TSEN2: variants seen among roughly 807,000 people sequenced by gnomAD.
TSEN2 encodes the protein tRNA-splicing endonuclease subunit Sen2.
A neutral mutation model predicts 59.2 loss-of-function variants in TSEN2; 54 were observed. The ratio of observed to expected loss-of-function variants is 0.91; its 90% CI spans 0.73 to 1.14. The LOEUF is 1.14. Ranked by LOEUF, TSEN2 falls within the 50% of genes most tolerant of loss-of-function variation. The pLI is 0.00. For synonymous variants in TSEN2, 195 were observed against 198.2 expected (o/e 0.98, Z 0.14); for missense variants, 636 against 576.2 (o/e 1.10, Z -1.06).
downstream of TSEN2, among the ~76,000 whole-genome samples, chr3:12,536,927 C>T (rs894621641): frequency 6.6e-6 from 1 of 151,688 alleles, no homozygotes; most frequent in South Asian, 2.1e-4. Context: ...CACTTGAACC[C>T]GGGAGGTGGG....
At chr3:12,513,277 C>G (rs2055693173) in intron 6 of TSEN2, among the ~76,000 whole-genome samples, 1 of 152,106 alleles carries the variant, frequency 6.6e-6, no homozygotes, top group South Asian at 2.1e-4. Flanking sequence ...TCTTATTAGG[C>G]AAGGATGGGA....
At chr3:12,491,995 C>A in intron 2 of TSEN2, 141 bp from the exon 3 acceptor site, 1 of 690,700 alleles carries the variant, frequency 1.4e-6, no homozygotes, top group Admixed American at 2.3e-5. Flanking sequence ...ATCAGGGACT[C>A]GACCATCTGC....
intron 6 of TSEN2, among the ~76,000 whole-genome samples, 147 bp from the exon 7 acceptor site, chr3:12,516,446 ATGTGTGTGTGTGTGTGTG>A (rs68107346): frequency 1.6e-4 from 20 of 126,556 alleles, no homozygotes; most frequent in East Asian, 4.2e-4. Context: ...AACAAAATAT[ATGTGTGTGTGTGTGTGTG>A]TGTGTGTGTG....
rs1488211768 is a variant in TSEN2 at position 12,516,793 on chromosome 3, C to CT, written c.960+133dup. 6 of 1,033,890 alleles carry CT rather than the reference C, an allele frequency of 5.8e-6. No homozygotes were observed. In the Admixed American group the frequency reaches 1.1e-4, roughly 18 times the overall value. The allele number at this position is 1,033,890 out of a possible 1,614,324, so 64.0% of individuals were successfully genotyped here. On this transcript the variant is annotated intron_variant, in intron 7 of 11. Transcript: ENST00000284995. ...AATAAAATAGGAATTGAATTTTTCTCTAAAGTTTTGGATTTGGGTCCTGAG... is the reference window on the plus strand; with the variant it reads ...AATAAAATAGGAATTGAATTTTTCTCTTAAAGTTTTGGATTTGGGTCCTGAG...
At chr3:12,492,279 T>C (rs2053293263) in intron 3 of TSEN2, 62 bp downstream of exon 3, 3 of 1,432,106 alleles carry the variant, frequency 2.1e-6, no homozygotes, top group African/African-American at 1.4e-5. Context: ...GTTTTTGATC[T>C]TATATCTCAG....
At chr3:12,495,325 G>T (rs2053642802) in intron 3 of TSEN2, among the ~76,000 whole-genome samples, 1 of 152,100 alleles carries the variant, frequency 6.6e-6, no homozygotes, top group Non-Finnish European at 1.5e-5. Flanking sequence ...CACCTCCTGG[G>T]CTTATGCCGT....
At position 12,532,800 on chromosome 3, in the gene TSEN2, T is replaced by C; in HGVS notation, c.*79T>C. On this transcript the variant is annotated 3_prime_UTR_variant, in exon 12 of 12. Transcript: ENST00000284995. The stretch of plus-strand genomic sequence containing the variant: ...TAAAAAGTTCTTTTTGTTGTAATCG[T>C]CCATTAATTCATAAGTTTTAAAGGG... The C allele has an allele frequency of 1.4e-6, 2 of 1,379,928 alleles. No individual in the cohort carries two copies. Among genetic ancestry groups the C allele is most frequent in the East Asian group, 2.3e-5 (1 of 43,704 alleles). The allele number at this position is 1,379,928 out of a possible 1,614,324, so 85.5% of individuals were successfully genotyped here.
At chr3:12,522,912 CTGCCAGCTCCTAG>C (rs2125193080) in intron 8 of TSEN2, among the ~76,000 whole-genome samples, 1 of 152,330 alleles carries the variant, frequency 6.6e-6, no homozygotes, top group South Asian at 2.1e-4. Flanking sequence ...GCTCCCCTGG[CTGCCAGCTCCTAG>C]GGCCAGCCAG....
rs1253477108 is a variant in TSEN2, at chr3:12,533,597, T to C, written c.*876T>C. 1 of 141,192 alleles carries C rather than the reference T, an allele frequency of 7.1e-6. No individual in the cohort carries two copies. Among genetic ancestry groups the C allele is most frequent in the African/African-American group, 2.7e-5 (1 of 37,290 alleles). The allele number at this position is 141,192 out of a possible 1,614,324, so 8.7% of individuals were successfully genotyped here. On this transcript the variant is annotated 3_prime_UTR_variant, in exon 12 of 12. Transcript: ENST00000284995. ...ATCGCTTGAGCCCAGGAGGAAGAGG[T>C]TGCAGTGAGCGGAGATTGTGCCACT...
Position 12,533,221 on chromosome 3 carries a change from G to A in TSEN2, c.*500G>A, listed in dbSNP as rs1379724870. On this transcript the variant is annotated 3_prime_UTR_variant, in exon 12 of 12. Transcript: ENST00000284995. ...CGATAAGCATATCTTCACTGCACTT[G>A]TTATAAAAATGAGTGGTGAAATAAT... 1 of 157,638 alleles carries A rather than the reference G, an allele frequency of 6.3e-6. No homozygotes were observed. The highest frequency in any genetic ancestry group is 1.8e-4 in the East Asian group (1 of 5,438). The allele number at this position is 157,638 out of a possible 1,614,324, so 9.8% of individuals were successfully genotyped here.
chr3:12,494,492 G>A lies in TSEN2; in HGVS notation c.272-2026G>A, dbSNP rs144163768. Among the ~76,000 whole-genome samples, 308 of 152,222 alleles carry A rather than the reference G, an allele frequency of 2.0e-3. 1 individual carries two copies. The highest frequency in any genetic ancestry group is 6.9e-3 in the African/African-American group (288 of 41,558). Reference sequence around the variant, plus strand: ...GCTCACTGCATCCTCCACTTCCTGGGTTCAAGCGATTCTCCTGCCTCAGCC... The same window carrying A: ...GCTCACTGCATCCTCCACTTCCTGGATTCAAGCGATTCTCCTGCCTCAGCC... On this transcript the variant is annotated intron_variant, in intron 3 of 11. Coordinates refer to ENST00000284995, the MANE Select transcript of TSEN2 (RefSeq NM_025265.4).
intron 4 of TSEN2, among the ~76,000 whole-genome samples, chr3:12,502,043 G>A (rs554981285): frequency 1.5e-4 from 23 of 152,330 alleles, no homozygotes; most frequent in African/African-American, 5.5e-4. Context: ...ACTCTGCAAA[G>A]TATTGTGAGG....
At chr3:12,525,021 G>C (rs1460102193) in intron 8 of TSEN2, among the ~76,000 whole-genome samples, 1 of 152,168 alleles carries the variant, frequency 6.6e-6, no homozygotes, top group East Asian at 1.9e-4. Context: ...TGGGATTACA[G>C]ACATGAGCCA....
chr3:12,492,979 G>A (rs1242724130), intron 3 of TSEN2, among the ~76,000 whole-genome samples: 1 of 152,040 alleles, frequency 6.6e-6, no homozygotes, highest in Non-Finnish European at 1.5e-5. Context: ...TATGTTTTCT[G>A]TCTATGAATT....
intron 10 of TSEN2, chr3:12,531,147 C>T: frequency 5.3e-6 from 1 of 187,370 alleles, no homozygotes; most frequent in Non-Finnish European, 1.1e-5. Flanking sequence ...GGACCGTCCC[C>T]CATAATCTAA....
At position 12,503,444 on chromosome 3, in the gene TSEN2, C is replaced by T. The variant is rs1178412243; in HGVS notation, c.491C>T (p.Thr164Ile). The T allele has an allele frequency of 9.9e-6, 16 of 1,614,096 alleles. No homozygotes were observed. Among genetic ancestry groups the T allele is most frequent in the African/African-American group, 1.3e-5 (1 of 74,938 alleles). ...GGAATGGTTTCCAACATGGAAGGCACAGCAGGGGGAGAGAGACCTTCTGTG... is the reference window on the plus strand; with the variant it reads ...GGAATGGTTTCCAACATGGAAGGCATAGCAGGGGGAGAGAGACCTTCTGTG... ...NSGMVSNMEG[T>I]AGGERPSVVN... Residue 164 changes from threonine (T) to isoleucine (I), a missense_variant, in exon 5 of 12, where the codon ACA becomes ATA. By Grantham distance (89) the Thr-to-Ile change is moderately conservative. Coordinates refer to ENST00000284995, the MANE Select transcript of TSEN2 (RefSeq NM_025265.4).
At chr3:12,492,496 A>G (rs1402053204) in intron 3 of TSEN2, among the ~76,000 whole-genome samples, 1 of 152,216 alleles carries the variant, frequency 6.6e-6, no homozygotes, top group Non-Finnish European at 1.5e-5. Flanking sequence ...CTGGTAGTTA[A>G]GTACCTGCTC....
At chr3:12,531,683 T>C (rs2057467551) in intron 11 of TSEN2, 24 bp downstream of exon 11, 2 of 1,424,730 alleles carry the variant, frequency 1.4e-6, no homozygotes, top group Admixed American at 1.7e-5. Context: ...GAGAAATTCA[T>C]GTCATCCCAA....
intron 3 of TSEN2, among the ~76,000 whole-genome samples, chr3:12,492,568 A>G (rs1214198998): frequency 6.6e-6 from 1 of 152,240 alleles, no homozygotes; most frequent in African/African-American, 2.4e-5. Flanking sequence ...TGTAATAGCC[A>G]TGACATGTAT....
Sources: gnomAD v4.1 joint callset for allele counts (sites outside exome capture counted in the v4.1 genomes callset) on GRCh38, gnomAD v4.1.1 for gene constraint, MANE v1.5 for transcripts, NCBI Gene and HGNC (gene_info 2026-07-23, HGNC 2026-07-21) for gene names.